VCP: variants seen among roughly 807,000 people sequenced by gnomAD.
VCP encodes valosin containing protein.
In VCP, 6 loss-of-function variants were observed where a neutral mutation model predicts 85.7. The ratio of observed to expected loss-of-function variants is 0.07; its 90% CI spans 0.04 to 0.14. The LOEUF (loss-of-function observed/expected upper bound fraction) is 0.14, where lower values mean the gene tolerates loss of function less well. Ranked by LOEUF, VCP falls within the 10% of genes least tolerant of loss-of-function variation. VCP has a pLI of 1.00. For synonymous variants in VCP, 384 were observed against 367.1 expected, an observed-to-expected ratio of 1.05 and a Z score of -0.53; for missense variants, 353 against 1,043.4, an observed-to-expected ratio of 0.34 and a Z score of 9.12.
chr9:35,071,270 T>C (rs1260221093), intron 1 of VCP, among the ~76,000 whole-genome samples: 1 of 148,708 alleles, frequency 6.7e-6, no homozygotes, highest in Non-Finnish European at 1.5e-5. Context: ...GTAATTTGCA[T>C]AGAGTTTCCT....
intron 4 of VCP, among the ~76,000 whole-genome samples, chr9:35,065,987 G>A (rs778121223): frequency 5.3e-5 from 8 of 152,020 alleles, no homozygotes; most frequent in South Asian, 2.1e-4. Context: ...TTAGCCGGGC[G>A]TGGTGGCAGA....
chr9:35,061,579 G>T lies in VCP; in HGVS notation c.1192C>A (p.Gln398Lys). Residue 398 changes from glutamine (Q) to lysine (K), a missense_variant and splice_region_variant, in exon 10 of 17, where the codon CAG becomes AAG. Around this residue, in one of 8 missense-constraint regions of VCP, gnomAD observed 30 missense variants for 39.0 expected, o/e 0.77. Coordinates refer to ENST00000358901, the MANE Select transcript of VCP (RefSeq NM_007126.5). ...GTCAGCCATCATCATCACTTCACCT[G>T]TTCCAGGTCCACATCATCTGCCAGC... is the stretch of plus-strand genomic sequence containing the variant. ...MKLADDVDLE[Q>K]VANETHGHVG... 1.2e-6 allele frequency: 2 copies of T among 1,613,942 alleles called. No homozygotes were observed. Among genetic ancestry groups the T allele is most frequent in the Non-Finnish European group, 1.7e-6 (2 of 1,179,818 alleles).
intron 1 of VCP, among the ~76,000 whole-genome samples, chr9:35,071,033 A>G (rs1451630986): frequency 6.6e-6 from 1 of 152,220 alleles, no homozygotes; most frequent in Non-Finnish European, 1.5e-5. Flanking sequence ...GGTTTCAGCT[A>G]AGAGTCATCA....
Position 35,064,235 on chromosome 9 carries a change from G to A in VCP, c.627C>T (p.Cys209=). The A allele has an allele frequency of 6.2e-7, 1 of 1,614,176 alleles. No individual in the cohort carries two copies. Residue 209 remains cysteine, a synonymous_variant, in exon 6 of 17, where the codon TGC becomes TGT. Transcript: ENST00000358901. ...CCTTTATCTGAGCTAGCTGCTTCCTGCAGCCACCAATGTCATCATACCCTA... is the reference window on the plus strand; with the variant it reads ...CCTTTATCTGAGCTAGCTGCTTCCTACAGCCACCAATGTCATCATACCCTA... The part of the protein sequence containing the change: ...NEVGYDDIGG[C]RKQLAQIKEM...
chr9:35,062,428 G>A lies in VCP; in HGVS notation c.812-78C>T. 1.9e-6 allele frequency: 3 copies of A among 1,607,056 alleles called. No individual in the cohort carries two copies. The South Asian group carries it at 3.3e-5, about 18-fold the overall frequency. On this transcript the variant is annotated intron_variant, in intron 7 of 16. Transcript: ENST00000358901. ...CTCCCAAAAATCAGTTATCTTGCTT[G>A]TTTGGCCCAGAGACAGGTCCTGGGT... is the stretch of plus-strand genomic sequence containing the variant.
chr9:35,071,293 GTTTTTTTTTTTTTTTTTT>G (rs869178164), intron 1 of VCP, among the ~76,000 whole-genome samples: 1 of 69,088 alleles, frequency 1.4e-5, no homozygotes, highest in East Asian at 6.6e-4. Context: ...GGCTGGCTGT[GTTTTTTTTTTTTTTTTTT>G]TTTTTTTTTT....
rs958011533 is a variant in VCP, at chr9:35,072,056, G to C, written c.17+281C>G. The C allele has an allele frequency of 5.5e-6, 7 of 1,261,600 alleles. No homozygotes were observed. In the African/African-American group the frequency reaches 1.1e-4, roughly 20 times the overall value. The allele number at this position is 1,261,600 out of a possible 1,614,324, so 78.2% of individuals were successfully genotyped here. ...CCAGGCCCAGACGTCCGTTCTAAGG[G>C]AGCCAATCGGGCGGGCCGGGGCCTG... is the stretch of plus-strand genomic sequence containing the variant. On this transcript the variant is annotated intron_variant, in intron 1 of 16. Coordinates refer to ENST00000358901, the MANE Select transcript of VCP (RefSeq NM_007126.5).
intron 4 of VCP, among the ~76,000 whole-genome samples, chr9:35,065,723 C>T (rs964563781): frequency 3.3e-5 from 5 of 152,082 alleles, no homozygotes; most frequent in South Asian, 2.1e-4. Context: ...CCAAAATGGA[C>T]CACTTTCTCC....
chr9:35,067,506 A>G (rs1216066290), intron 3 of VCP, among the ~76,000 whole-genome samples: 1 of 151,960 alleles, frequency 6.6e-6, no homozygotes, highest in Admixed American at 6.6e-5. Flanking sequence ...CCTCATTCCA[A>G]CCCCAACACA....
chr9:35,061,793 T>A (rs1357673268), intron 9 of VCP, 104 bp from the exon 10 acceptor site: 3 of 1,376,082 alleles, frequency 2.2e-6, no homozygotes, highest in African/African-American at 2.8e-5. Flanking sequence ...ATTGTCCTAA[T>A]GCCAGCACTA....
chr9:35,064,042 A>T (rs1383034266), intron 6 of VCP, 112 bp downstream of exon 6: 11 of 1,552,604 alleles, frequency 7.1e-6, no homozygotes, highest in Non-Finnish European at 9.7e-6. Flanking sequence ...TGCCCCTCTA[A>T]TCCAAGGCAA....
At chr9:35,061,836 C>G (rs1587123004) in intron 9 of VCP, 147 bp from the exon 10 acceptor site, 1 of 1,449,982 alleles carries the variant, frequency 6.9e-7, no homozygotes, top group Non-Finnish European at 9.6e-7. Flanking sequence ...ACCTTTCAGT[C>G]TCAGGAAAAC....
chr9:35,067,778 C>T, intron 3 of VCP, 113 bp downstream of exon 3: 5 of 1,394,914 alleles, frequency 3.6e-6, no homozygotes, highest in Non-Finnish European at 5.0e-6. Flanking sequence ...CAGGAGGCTT[C>T]CTGCATCGAC....
rs974283155 is a variant in VCP at position 35,062,265 on chromosome 9, G to C, written c.897C>G (p.Ala299=). The change falls in exon 8 of 17, where the codon GCC becomes GCG. Residue 299 remains alanine, a synonymous_variant. Transcript: ENST00000358901. ...AFEEAEKNAP[A]IIFIDELDAI... ...CATCTAGCTCATCAATGAAGATGAT[G>C]GCAGGAGCATTCTTCTCAGCCTCCT... 9 of 1,614,036 alleles carry C rather than the reference G, an allele frequency of 5.6e-6. No homozygotes were observed. In the Admixed American group the frequency reaches 1.5e-4, roughly 27 times the overall value.
At position 35,060,934 on chromosome 9, in the gene VCP, A is replaced by G; in HGVS notation, c.1360-11T>C. Reference sequence around the variant, plus strand: ...CTGGCTCAAGGCCCACTAGAAAAGGAGGGAAAACTGGGGATGAGACTTATC... The same window carrying G: ...CTGGCTCAAGGCCCACTAGAAAAGGGGGGAAAACTGGGGATGAGACTTATC... On this transcript the variant is annotated splice_polypyrimidine_tract_variant and intron_variant, in intron 11 of 16. Coordinates refer to ENST00000358901, the MANE Select transcript of VCP (RefSeq NM_007126.5). The G allele has an allele frequency of 6.2e-7, 1 of 1,614,186 alleles. No homozygotes were observed. The highest frequency in any genetic ancestry group is 8.5e-7 in the Non-Finnish European group (1 of 1,180,030).
At chr9:35,069,828 G>C (rs1311112547) in intron 1 of VCP, among the ~76,000 whole-genome samples, 1 of 152,160 alleles carries the variant, frequency 6.6e-6, no homozygotes, top group African/African-American at 2.4e-5. Flanking sequence ...AGGAAGGCCA[G>C]ACAATGAAGG....
intron 1 of VCP, among the ~76,000 whole-genome samples, chr9:35,069,302 C>T (rs942946307): frequency 5.9e-5 from 9 of 151,988 alleles, no homozygotes; most frequent in African/African-American, 2.2e-4. Flanking sequence ...AATCCAAATC[C>T]CTCTCACCCA....
In VCP at chr9:35,060,927, G is replaced by C. The variant is rs769279961; in HGVS notation, c.1360-4C>G. Reference sequence around the variant, plus strand: ...GGTTACTCTGGCTCAAGGCCCACTAGAAAAGGAGGGAAAACTGGGGATGAG... The same window carrying C: ...GGTTACTCTGGCTCAAGGCCCACTACAAAAGGAGGGAAAACTGGGGATGAG... On this transcript the variant is annotated splice_region_variant and splice_polypyrimidine_tract_variant and intron_variant, in intron 11 of 16. Coordinates refer to ENST00000358901, the MANE Select transcript of VCP (RefSeq NM_007126.5). 2 of 1,614,196 alleles carry C rather than the reference G, an allele frequency of 1.2e-6. No homozygotes were observed. The highest frequency in any genetic ancestry group is 1.6e-4 in the Middle Eastern group (1 of 6,062).
chr9:35,060,792 T>A lies in VCP; in HGVS notation c.1482+9A>T. ...AGACAGTGACTCACCCTGGACCAAGTTGCCCTACCTGGACCAGCTCCTGTA... is the reference window on the plus strand; with the variant it reads ...AGACAGTGACTCACCCTGGACCAAGATGCCCTACCTGGACCAGCTCCTGTA... On this transcript the variant is annotated intron_variant, in intron 12 of 16. Coordinates refer to ENST00000358901, the MANE Select transcript of VCP (RefSeq NM_007126.5). 6.2e-7 allele frequency: 1 copy of A among 1,614,154 alleles called. No individual in the cohort carries two copies. Among genetic ancestry groups the A allele is most frequent in the South Asian group, 1.1e-5 (1 of 91,084 alleles).
Sources: allele counts gnomAD v4.1 joint callset (sites outside exome capture counted in the v4.1 genomes callset), GRCh38; gene constraint gnomAD v4.1.1; regional missense constraint gnomAD v4.1.1; transcripts MANE v1.5; gene names NCBI Gene and HGNC (gene_info 2026-07-23, HGNC 2026-07-21).